The following ZNF638 variants were observed in gnomAD, a reference collection of about 807,000 sequenced individuals.
The protein encoded by ZNF638 is zinc finger protein 638.
ZNF638 carries 46 observed loss-of-function variants against 195.6 expected under a neutral mutation model. The observed-to-expected ratio is 0.24, with a 90% CI of 0.19 to 0.30. ZNF638 has a LOEUF of 0.30. Ranked by LOEUF, ZNF638 falls within the 10% of genes least tolerant of loss-of-function variation. The pLI, the probability that ZNF638 is intolerant of heterozygous loss-of-function variation, is 1.00. For synonymous variants in ZNF638, 845 were observed against 772.0 expected (o/e 1.09, Z -1.57); for missense variants, 2,440 against 2,325.3 (o/e 1.05, Z -1.01).
chr2:71,427,751 T>A (rs1319014014), intron 24 of ZNF638, among the ~76,000 whole-genome samples: 1 of 152,222 alleles, frequency 6.6e-6, no homozygotes, highest in Non-Finnish European at 1.5e-5. Context: ...AACATTTACA[T>A]CAGATTACCT....
intron 7 of ZNF638, among the ~76,000 whole-genome samples, chr2:71,369,160 C>T (rs2079260522): frequency 7.3e-6 from 1 of 136,182 alleles, no homozygotes; most frequent in African/African-American, 3.3e-5. Flanking sequence ...CATGGTGAAA[C>T]CCCGTGTCTA....
At chr2:71,394,386 A>G (rs975941404) in intron 10 of ZNF638, among the ~76,000 whole-genome samples, 1 of 152,124 alleles carries the variant, frequency 6.6e-6, no homozygotes, top group African/African-American at 2.4e-5. Context: ...CAATTATACT[A>G]TGACCTTTAT....
At position 71,424,692 on chromosome 2, in the gene ZNF638, G is replaced by A. The variant is rs766644234; in HGVS notation, c.4567G>A (p.Gly1523Ser). The A allele has an allele frequency of 3.6e-5, 58 of 1,612,858 alleles. No homozygotes were observed. The East Asian group carries it at 1.2e-3, about 34-fold the overall frequency. Residue 1523 changes from glycine (G) to serine (S), a missense_variant, in exon 23 of 28, where the codon GGT becomes AGT. Coordinates refer to ENST00000264447, the MANE Select transcript of ZNF638 (RefSeq NM_014497.5). Reference protein sequence around the residue: ...QNTKNPKSTTGRSSKSKEEPL... With the variant: ...QNTKNPKSTTSRSSKSKEEPL... Reference sequence around the variant, plus strand: ...CACTAAGAATCCTAAAAGCACTACTGGTAGAAGTTCCAAATCTAAAGAGGT... The same window carrying A: ...CACTAAGAATCCTAAAAGCACTACTAGTAGAAGTTCCAAATCTAAAGAGGT...
At position 71,373,758 on chromosome 2, in the gene ZNF638, A is replaced by G. The variant is rs546491287; in HGVS notation, c.2265+3753A>G. 1.1e-4 allele frequency among the ~76,000 whole-genome samples: 17 copies of G among 151,806 alleles called. No individual in the cohort carries two copies. The East Asian group carries it at 2.3e-3, about 21-fold the overall frequency. On this transcript the variant is annotated intron_variant, in intron 8 of 27. Transcript: ENST00000264447. Reference sequence around the variant, plus strand: ...ATGTACTCAAATTTATTGGTATTCTATGGCTTCTGCATTTTTTTCTTTATT... The same window carrying G: ...ATGTACTCAAATTTATTGGTATTCTGTGGCTTCTGCATTTTTTTCTTTATT...
In ZNF638 at chr2:71,340,993, A is replaced by G. The variant is rs78109445; in HGVS notation, c.-202-7760A>G. On this transcript the variant is annotated intron_variant, in intron 1 of 27. Coordinates refer to ENST00000264447, the MANE Select transcript of ZNF638 (RefSeq NM_014497.5). ...GTCTGATGGAGCCATTATCTGATGG[A>G]TTGATTTTTGATGATGGTTTTGGAT... is the stretch of plus-strand genomic sequence containing the variant. Among the ~76,000 whole-genome samples, 50 of 152,306 alleles carry G rather than the reference A, an allele frequency of 3.3e-4. No individual in the cohort carries two copies. In the Middle Eastern group the frequency reaches 0.01, roughly 31 times the overall value.
rs146738177 is a variant in ZNF638 at position 71,423,153 on chromosome 2, G to A, written c.3639G>A (p.Gly1213=). ...QMFNSDLEKK[G]AEIINPKTAL... The stretch of plus-strand genomic sequence containing the variant: ...TTAACAGTGACTTGGAGAAGAAAGG[G>A]GCAGAAATTATTAACCCTAAAACAG... Residue 1213 remains glycine, a synonymous_variant, in exon 22 of 28, where the codon GGG becomes GGA. Coordinates refer to ENST00000264447, the MANE Select transcript of ZNF638 (RefSeq NM_014497.5). 4 of 1,613,876 alleles carry A rather than the reference G, an allele frequency of 2.5e-6. No individual in the cohort carries two copies. The African/African-American group carries it at 4.0e-5, about 16-fold the overall frequency.
chr2:71,408,891 TTAAG>T (rs752042097), intron 20 of ZNF638: 3 of 203,080 alleles, frequency 1.5e-5, no homozygotes, highest in Non-Finnish European at 3.2e-5. Context: ...TAGAGTATCT[TTAAG>T]TAAATGTATT....
At chr2:71,375,702 T>A (rs1179348625) in intron 8 of ZNF638, 2 of 152,208 alleles carry the variant, frequency 1.3e-5, no homozygotes, top group African/African-American at 4.8e-5. Flanking sequence ...CATGACATAA[T>A]AAAACGGAGA....
intron 1 of ZNF638, among the ~76,000 whole-genome samples, chr2:71,335,548 A>G (rs949591806): frequency 1.3e-5 from 2 of 152,240 alleles, no homozygotes; most frequent in Non-Finnish European, 2.9e-5. Context: ...ACCAAAAAAA[A>G]AGAAACAAAA....
At chr2:71,425,258 G>T (rs1349408259) in intron 23 of ZNF638, among the ~76,000 whole-genome samples, 1 of 152,038 alleles carries the variant, frequency 6.6e-6, no homozygotes, top group Admixed American at 6.6e-5. Context: ...CCTGGTAGGG[G>T]ATAGATTTGG....
intron 21 of ZNF638, among the ~76,000 whole-genome samples, chr2:71,419,974 C>CCCTTTTTTTT (rs1189202093): frequency 1.5e-4 from 4 of 27,018 alleles, no homozygotes; most frequent in African/African-American, 1.6e-4. Flanking sequence ...CCCCCCCCGC[C>CCCTTTTTTTT]TTTTTTTTTT....
rs375591943 is a variant in ZNF638, at chr2:71,348,922, A to G, written c.-33A>G. 65 of 1,614,058 alleles carry G rather than the reference A, an allele frequency of 4.0e-5. No homozygotes were observed. The African/African-American group carries it at 6.1e-4, about 15-fold the overall frequency. On this transcript the variant is annotated 5_prime_UTR_variant, in exon 2 of 28. The change creates a new upstream start codon in the 5' untranslated region. Coordinates refer to ENST00000264447, the MANE Select transcript of ZNF638 (RefSeq NM_014497.5). ...CTCACATGGTTCAACACCACCTTAT[A>G]CTTTATTAAATCAGGCTTTCTTGAA... is the stretch of plus-strand genomic sequence containing the variant.
intron 16 of ZNF638, 91 bp from the exon 17 acceptor site, chr2:71,403,779 C>T (rs895271156): frequency 1.2e-5 from 11 of 882,592 alleles, no homozygotes; most frequent in African/African-American, 1.2e-4. Context: ...ATCCACTTGA[C>T]GTTTGAAGTA....
chr2:71,382,312 T>G (rs532601249), intron 10 of ZNF638, among the ~76,000 whole-genome samples: 7 of 152,270 alleles, frequency 4.6e-5, no homozygotes, highest in Admixed American at 3.3e-4. Flanking sequence ...GGAATTTTTT[T>G]AAGTTTAAGG....
chr2:71,383,428 G>A lies in ZNF638; in HGVS notation c.2377+2863G>A, dbSNP rs1333253583. 2.6e-5 allele frequency among the ~76,000 whole-genome samples: 4 copies of A among 152,228 alleles called. No individual in the cohort carries two copies. The East Asian group carries it at 7.7e-4, about 29-fold the overall frequency. ...ACGCAAAACTTTATGATTCCAAAGCGTTGCATATACTAAATTACCTCCCTC... is the reference window on the plus strand; with the variant it reads ...ACGCAAAACTTTATGATTCCAAAGCATTGCATATACTAAATTACCTCCCTC... On this transcript the variant is annotated intron_variant, in intron 10 of 27. Coordinates refer to ENST00000264447, the MANE Select transcript of ZNF638 (RefSeq NM_014497.5).
rs183446410 is a variant in ZNF638, at chr2:71,359,115, G to A, written c.1379+3335G>A. 3.0e-3 allele frequency among the ~76,000 whole-genome samples: 457 copies of A among 152,272 alleles called. 2 individuals carry two copies. The highest frequency in any genetic ancestry group is 0.011 in the African/African-American group (441 of 41,564). ...CTAGAACTGAATCTACAGTATCTCT[G>A]AGGTATGCCTATGTATCGATATATG... On this transcript the variant is annotated intron_variant, in intron 3 of 27. Transcript: ENST00000264447.
chr2:71,380,081 A>T (rs2079508837), intron 8 of ZNF638, 141 bp from the exon 9 acceptor site: 2 of 471,078 alleles, frequency 4.2e-6, no homozygotes, highest in South Asian at 8.8e-5. Flanking sequence ...TGTAATCACA[A>T]ATTGAAAAAA....
At chr2:71,388,183 T>G (rs1046755961) in intron 10 of ZNF638, among the ~76,000 whole-genome samples, 1 of 152,188 alleles carries the variant, frequency 6.6e-6, no homozygotes, top group African/African-American at 2.4e-5. Flanking sequence ...TTGCAAAGCT[T>G]CGGGAGAGAA....
chr2:71,392,788 A>G (rs897163804), intron 10 of ZNF638, among the ~76,000 whole-genome samples: 1 of 152,200 alleles, frequency 6.6e-6, no homozygotes, highest in African/African-American at 2.4e-5. Flanking sequence ...TCACAGGCAC[A>G]TCTCTTCCTT....
Sources: gnomAD v4.1 joint callset for allele counts (sites outside exome capture counted in the v4.1 genomes callset) on GRCh38, gnomAD v4.1.1 for gene constraint, MANE v1.5 for transcripts, NCBI Gene and HGNC (gene_info 2026-07-23, HGNC 2026-07-21) for gene names.